Variants in LRRC4C observed in about 807,000 individuals in gnomAD.
The protein encoded by LRRC4C is leucine-rich repeat-containing protein 4C.
Under a neutral mutation model 33.6 loss-of-function variants are expected in LRRC4C, and 5 were observed. The ratio of observed to expected loss-of-function variants is 0.15; its 90% confidence interval spans 0.08 to 0.31. The LOEUF is 0.31. Ranked by LOEUF, LRRC4C falls within the 10% of genes least tolerant of loss-of-function variation. The probability of loss-of-function intolerance (pLI) is 1.00; values close to 1 mark genes in which losing one functional copy is unlikely to be tolerated. For missense variants in LRRC4C, 560 were observed against 796.7 expected, an observed-to-expected ratio of 0.70 and a Z score of 3.58; for synonymous variants, 329 against 302.0, an observed-to-expected ratio of 1.09 and a Z score of -0.93.
Position 40,133,841 on chromosome 11 carries a change from GA to G in LRRC4C, c.-43+6959del, listed in dbSNP as rs376352091. Among the ~76,000 whole-genome samples the G allele has an allele frequency of 7.7e-3, 1,150 of 150,066 alleles. 8 individuals carry two copies. The highest frequency in any genetic ancestry group is 0.027 in the African/African-American group (1,108 of 40,998). ...GCAAAAGGTCTAGCATTTTAAGAGA[GA>G]AAAAAAAACAGGCACTTTCCTTCAA... On this transcript the variant is annotated intron_variant, in intron 6 of 6. Transcript: ENST00000528697.
In LRRC4C at chr11:40,450,510, C is replaced by A. The variant is rs540138861; in HGVS notation, c.-269-130789G>T. Among the ~76,000 whole-genome samples the A allele has an allele frequency of 5.3e-5, 8 of 151,940 alleles. No homozygotes were observed. The South Asian group carries it at 1.7e-3, about 32-fold the overall frequency. ...GACAACAATGACCTTAAATGATTAG[C>A]CTAAAATTATTTTTTAAAACTGAAA... On this transcript the variant is annotated intron_variant, in intron 3 of 6. Transcript: ENST00000528697.
At chr11:40,468,949 T>C (rs1952787954) in intron 3 of LRRC4C, among the ~76,000 whole-genome samples, 1 of 152,210 alleles carries the variant, frequency 6.6e-6, no homozygotes, top group Admixed American at 6.5e-5. Context: ...ACATTATTCT[T>C]ATCTGTAAAG....
At chr11:41,406,950 T>A (rs1954264203) in intron 1 of LRRC4C, among the ~76,000 whole-genome samples, 1 of 152,058 alleles carries the variant, frequency 6.6e-6, no homozygotes, top group Non-Finnish European at 1.5e-5. Flanking sequence ...GTAAAAAAAA[T>A]TGTAAAAAGA....
intron 1 of LRRC4C, among the ~76,000 whole-genome samples, chr11:41,301,259 C>T (rs773347242): frequency 1.3e-5 from 2 of 152,234 alleles, no homozygotes; most frequent in Non-Finnish European, 2.9e-5. Context: ...ATTGGAATTA[C>T]GTCATTTACT....
intron 1 of LRRC4C, among the ~76,000 whole-genome samples, chr11:41,278,214 T>C (rs184179571): frequency 6.6e-6 from 1 of 152,354 alleles, no homozygotes; most frequent in Non-Finnish European, 1.5e-5. Context: ...TCTATAATTA[T>C]GTGATATAAT....
chr11:40,375,780 G>C (rs1287013196), intron 3 of LRRC4C, among the ~76,000 whole-genome samples: 3 of 152,154 alleles, frequency 2.0e-5, no homozygotes, highest in Non-Finnish European at 4.4e-5. Context: ...ACTGACCAAC[G>C]CTTGGGAGTA....
At chr11:41,079,763 C>A (rs1049021495) in intron 1 of LRRC4C, among the ~76,000 whole-genome samples, 4 of 152,106 alleles carry the variant, frequency 2.6e-5, no homozygotes, top group South Asian at 2.1e-4. Context: ...TTTCTTAAAA[C>A]TTTATGAGGA....
chr11:40,283,028 A>G (rs7107649), intron 4 of LRRC4C, among the ~76,000 whole-genome samples: 8,659 of 152,308 alleles, frequency 0.057, 324 homozygotes, highest in Non-Finnish European at 0.064. Context: ...ATTCATGAGT[A>G]GGAAGGCCTG....
chr11:40,533,394 T>C (rs943682141), intron 3 of LRRC4C, among the ~76,000 whole-genome samples: 4 of 152,114 alleles, frequency 2.6e-5, no homozygotes, highest in African/African-American at 9.7e-5. Context: ...ATGTGGGTCT[T>C]TTGGCAGCAA....
chr11:40,771,903 C>A (rs144539115), intron 2 of LRRC4C, among the ~76,000 whole-genome samples: 387 of 152,206 alleles, frequency 2.5e-3, no homozygotes, highest in Non-Finnish European at 4.4e-3. Flanking sequence ...TCTTCTGAGC[C>A]CTCTAAGTCC....
chr11:40,777,392 A>G (rs1310124904), intron 2 of LRRC4C, among the ~76,000 whole-genome samples: 1 of 151,584 alleles, frequency 6.6e-6, no homozygotes, highest in African/African-American at 2.4e-5. Context: ...TGTTTTATGA[A>G]TCTTGGTGTT....
At chr11:41,442,120 T>C (rs1955639555) in intron 1 of LRRC4C, among the ~76,000 whole-genome samples, 1 of 152,142 alleles carries the variant, frequency 6.6e-6, no homozygotes, top group Non-Finnish European at 1.5e-5. Flanking sequence ...GTTTCTTTTG[T>C]TTGACATGTA....
intron 1 of LRRC4C, among the ~76,000 whole-genome samples, chr11:41,414,122 G>A (rs897905009): frequency 2.6e-5 from 4 of 152,112 alleles, no homozygotes; most frequent in Admixed American, 6.6e-5. Flanking sequence ...TTGTGAAAAC[G>A]GAAAGGATGG....
At chr11:40,426,302 C>T (rs1026439500) in intron 3 of LRRC4C, among the ~76,000 whole-genome samples, 2 of 152,016 alleles carry the variant, frequency 1.3e-5, no homozygotes, top group African/African-American at 2.4e-5. Flanking sequence ...TGTGAGCCAC[C>T]GCGCCTGGCC....
chr11:40,757,331 T>C (rs1184194635), intron 2 of LRRC4C, among the ~76,000 whole-genome samples: 1 of 152,054 alleles, frequency 6.6e-6, no homozygotes, highest in African/African-American at 2.4e-5. Flanking sequence ...TATGTTATAT[T>C]ATCCTTATTA....
At chr11:41,196,256 G>C (rs1281517442) in intron 1 of LRRC4C, among the ~76,000 whole-genome samples, 1 of 151,936 alleles carries the variant, frequency 6.6e-6, no homozygotes, top group Non-Finnish European at 1.5e-5. Flanking sequence ...CACAGAGGCT[G>C]GCCACTCACT....
intron 2 of LRRC4C, among the ~76,000 whole-genome samples, chr11:40,659,370 G>A (rs1490055038): frequency 6.6e-6 from 1 of 152,184 alleles, no homozygotes; most frequent in African/African-American, 2.4e-5. Context: ...TTCCCAGGCA[G>A]AAAGGAGGGG....
intron 2 of LRRC4C, among the ~76,000 whole-genome samples, chr11:40,765,774 G>A (rs1470004242): frequency 1.3e-5 from 2 of 150,574 alleles, no homozygotes; most frequent in Non-Finnish European, 3.0e-5. Context: ...TTGAAAATAT[G>A]CAGTCAGAGA....
In LRRC4C at chr11:41,398,790, C is replaced by G. The variant is rs192211324; in HGVS notation, c.-496+60641G>C. Among the ~76,000 whole-genome samples, 96 of 151,870 alleles carry G rather than the reference C, an allele frequency of 6.3e-4. No individual in the cohort carries two copies. In the East Asian group the frequency reaches 0.018, roughly 28 times the overall value. ...CAGGCCTAATTCTACCATGGTAAAG[C>G]CTAACTTATCAAGCTGTAAATTATT... On this transcript the variant is annotated intron_variant, in intron 1 of 6. Coordinates refer to ENST00000528697, the MANE Select transcript of LRRC4C (RefSeq NM_001258419.2).
Sources: gnomAD v4.1 joint callset for allele counts (sites outside exome capture counted in the v4.1 genomes callset) on GRCh38, gnomAD v4.1.1 for gene constraint, MANE v1.5 for transcripts, NCBI Gene and HGNC (gene_info 2026-07-23, HGNC 2026-07-21) for gene names.